The following CCDC178 variants were observed in gnomAD, a reference collection of about 807,000 sequenced individuals.
CCDC178 encodes coiled-coil domain-containing protein 178.
Under a neutral mutation model 117.4 loss-of-function variants are expected in CCDC178, and 126 were observed. That is an observed-to-expected ratio of 1.07 (90% CI 0.93 to 1.24). CCDC178 has a LOEUF of 1.24. CCDC178 is among the 50% of genes most tolerant of loss of function. The pLI is 0.00. For missense variants in CCDC178, 1,030 were observed against 986.9 expected (o/e 1.04, Z -0.59); for synonymous variants, 283 against 313.4 (o/e 0.90, Z 1.02).
At position 32,958,237 on chromosome 18, in the gene CCDC178, ATAGT is replaced by A. The variant is rs375436413; in HGVS notation, c.2523+16306_2523+16309del. ...CATACTGGTTCTGTAAAACAAAAAC[ATAGT>A]TAGTGATTATACTAAAATTATTGAG... On this transcript the variant is annotated intron_variant, in intron 22 of 22. Transcript: ENST00000383096. 292 of 555,722 alleles carry A rather than the reference ATAGT, an allele frequency of 5.3e-4. 1 individual carries two copies. Among genetic ancestry groups the A allele is most frequent in the East Asian group, 4.7e-3 (149 of 31,526 alleles). The allele number at this position is 555,722 out of a possible 1,614,324, so 34.4% of individuals were successfully genotyped here. A position where few individuals can be genotyped will look rare whatever the true frequency, so the allele number is the denominator to read the frequency against.
chr18:33,365,323 C>T (rs1366224975), intron 6 of CCDC178, among the ~76,000 whole-genome samples: 1 of 152,042 alleles, frequency 6.6e-6, no homozygotes, highest in Non-Finnish European at 1.5e-5. Context: ...AACTTTTTAA[C>T]ATTCATGTCT....
At chr18:33,137,262 G>T (rs1772104755) in intron 20 of CCDC178, among the ~76,000 whole-genome samples, 1 of 152,142 alleles carries the variant, frequency 6.6e-6, no homozygotes, top group Admixed American at 6.5e-5. Flanking sequence ...CATTGTCATT[G>T]TCATGCAAAC....
At chr18:33,370,946 A>G (rs573820718) in intron 5 of CCDC178, among the ~76,000 whole-genome samples, 15 of 152,098 alleles carry the variant, frequency 9.9e-5, no homozygotes, top group Admixed American at 3.9e-4. Flanking sequence ...TAAGGACTCT[A>G]TTGGGCTGGA....
At chr18:33,083,002 AAAC>A (rs1233838158) in intron 21 of CCDC178, among the ~76,000 whole-genome samples, 3 of 152,164 alleles carry the variant, frequency 2.0e-5, no homozygotes, top group Admixed American at 2.0e-4. Flanking sequence ...CATACATACT[AAAC>A]AATCTGTGAA....
intron 14 of CCDC178, among the ~76,000 whole-genome samples, chr18:33,247,567 A>G (rs1223697272): frequency 6.6e-6 from 1 of 151,922 alleles, no homozygotes; most frequent in East Asian, 1.9e-4. Flanking sequence ...AACACAAAAA[A>G]TATGGGGTGT....
intron 5 of CCDC178, among the ~76,000 whole-genome samples, chr18:33,387,056 T>C (rs1294647191): frequency 2.0e-5 from 3 of 152,084 alleles, no homozygotes; most frequent in African/African-American, 7.2e-5. Context: ...ATCATAAGCA[T>C]TCCTATATGC....
At chr18:33,232,354 T>G (rs2059377744) in intron 15 of CCDC178, among the ~76,000 whole-genome samples, 2 of 152,090 alleles carry the variant, frequency 1.3e-5, no homozygotes, top group African/African-American at 4.8e-5. Context: ...CATAAACAGA[T>G]CTAACATCAG....
At chr18:33,417,535 T>TACACACACACACAC in intron 2 of CCDC178, among the ~76,000 whole-genome samples, 1 of 148,300 alleles carries the variant, frequency 6.7e-6, no homozygotes, top group East Asian at 2.0e-4. Flanking sequence ...CAGAGCTGTA[T>TACACACACACACAC]ACACACACAC....
intron 20 of CCDC178, among the ~76,000 whole-genome samples, chr18:33,155,312 T>A (rs1015570543): frequency 6.6e-6 from 1 of 152,040 alleles, no homozygotes; most frequent in African/African-American, 2.4e-5. Flanking sequence ...TACGGTAGAA[T>A]GAAAATAAAA....
intron 10 of CCDC178, among the ~76,000 whole-genome samples, chr18:33,331,038 T>C (rs2062661587): frequency 7.3e-6 from 1 of 137,368 alleles, no homozygotes; most frequent in Admixed American, 7.3e-5. Context: ...TTTTTTTTTT[T>C]TTTTTTTTTT....
chr18:33,183,791 A>T (rs271442), intron 20 of CCDC178, among the ~76,000 whole-genome samples: 14,044 of 150,592 alleles, frequency 0.093, 798 homozygotes, highest in African/African-American at 0.17. Context: ...TTCTCTAGTC[A>T]GTGGTTATTA....
intron 1 of CCDC178, among the ~76,000 whole-genome samples, 200 bp from the exon 2 acceptor site, chr18:33,440,281 G>A (rs1343873318): frequency 7.3e-6 from 1 of 137,138 alleles, no homozygotes; most frequent in East Asian, 2.4e-4. Context: ...CCTTCCCCCG[G>A]CAGTGGGGAC....
chr18:33,402,904 T>C (rs1379641), intron 3 of CCDC178, among the ~76,000 whole-genome samples: 24,786 of 152,248 alleles, frequency 0.16, 2,225 homozygotes, highest in African/African-American at 0.23. Flanking sequence ...CCACGCTTTA[T>C]TAGACTTACT....
chr18:33,349,930 C>T (rs1251254304), intron 7 of CCDC178, among the ~76,000 whole-genome samples: 1 of 151,874 alleles, frequency 6.6e-6, no homozygotes, highest in East Asian at 1.9e-4. Context: ...ACTACCATTT[C>T]ATATTTCTAA....
chr18:33,174,616 G>A (rs1219185209), intron 20 of CCDC178, among the ~76,000 whole-genome samples: 6 of 152,056 alleles, frequency 3.9e-5, no homozygotes, highest in Non-Finnish European at 5.9e-5. Context: ...AACCACCTGA[G>A]GATAAGACAA....
chr18:32,999,744 G>A (rs1180388802), intron 21 of CCDC178, among the ~76,000 whole-genome samples: 1 of 152,098 alleles, frequency 6.6e-6, no homozygotes, highest in Non-Finnish European at 1.5e-5. Flanking sequence ...CATCAAGGTG[G>A]TACCTCTATG....
intron 3 of CCDC178, among the ~76,000 whole-genome samples, chr18:33,407,856 A>G (rs956852005): frequency 6.6e-6 from 1 of 152,030 alleles, no homozygotes; most frequent in African/African-American, 2.4e-5. Context: ...AAAAATAATA[A>G]AAATATATTA....
intron 12 of CCDC178, among the ~76,000 whole-genome samples, chr18:33,288,238 C>T (rs1190181054): frequency 7.8e-5 from 11 of 141,170 alleles, no homozygotes; most frequent in African/African-American, 2.7e-4. Flanking sequence ...TCCTCCCCTC[C>T]GCTCCCCTCC....
chr18:32,962,147 A>G (rs982751926), intron 22 of CCDC178, among the ~76,000 whole-genome samples: 1 of 151,922 alleles, frequency 6.6e-6, no homozygotes, highest in Non-Finnish European at 1.5e-5. Flanking sequence ...TAATCATTTT[A>G]TATTTAAGAC....
Sources: allele counts gnomAD v4.1 joint callset (sites outside exome capture counted in the v4.1 genomes callset), GRCh38; gene constraint gnomAD v4.1.1; transcripts MANE v1.5; gene names NCBI Gene and HGNC (gene_info 2026-07-23, HGNC 2026-07-21).